Variants in AHRR observed in about 807,000 individuals in gnomAD.
The protein encoded by AHRR is aryl hydrocarbon receptor repressor.
Under a neutral mutation model 44.0 loss-of-function variants are expected in AHRR, and 28 were observed. That is an observed-to-expected ratio of 0.64 (90% CI 0.47 to 0.87). The LOEUF (loss-of-function observed/expected upper bound fraction) is 0.87, where lower values mean the gene tolerates loss of function less well. Among genes scored for constraint, AHRR ranks in the 40% least tolerant of loss-of-function variants. The pLI is 0.00. For synonymous variants in AHRR, 434 were observed against 407.0 expected (o/e 1.07, Z -0.80); for missense variants, 990 against 953.9 (o/e 1.04, Z -0.50).
chr5:374,170 GC>G, intron 3 of AHRR, among the ~76,000 whole-genome samples: 1 of 152,122 alleles, frequency 6.6e-6, no homozygotes, highest in Non-Finnish European at 1.5e-5. Context: ...CACCCGCGCT[GC>G]CCCAGCCCGC....
intron 1 of AHRR, among the ~76,000 whole-genome samples, chr5:341,021 TTTTC>T (rs545086075): frequency 6.7e-5 from 10 of 149,364 alleles, no homozygotes; most frequent in South Asian, 2.1e-4. Context: ...TTTTCTTTTC[TTTTC>T]TTTTTTTTAG....
chr5:322,847 CGCTT>C lies in AHRR; in HGVS notation c.-11+1029_-11+1032del, dbSNP rs1312527454. ...CGGCGGACGCCGCCGCCTGGGGAGC[CGCTT>C]CGACGGGGGGGACGCCACCGCCTGG... On this transcript the variant is annotated intron_variant, in intron 1 of 10. Transcript: ENST00000684583. 5.9e-5 allele frequency among the ~76,000 whole-genome samples: 9 copies of C among 152,254 alleles called. No homozygotes were observed. The South Asian group carries it at 1.7e-3, about 28-fold the overall frequency.
At chr5:421,382 G>T in intron 5 of AHRR, 1 of 606,758 alleles carries the variant, frequency 1.6e-6, no homozygotes, top group Non-Finnish European at 3.0e-6. Flanking sequence ...CACAGTACCA[G>T]CCCCCACACG....
chr5:389,728 C>T (rs1289785178), intron 4 of AHRR, among the ~76,000 whole-genome samples: 3 of 151,904 alleles, frequency 2.0e-5, no homozygotes, highest in Admixed American at 6.6e-5. Context: ...GCAGATATGG[C>T]GGCCCCCAGG....
chr5:422,263 G>T (rs555368468), intron 5 of AHRR: 3 of 237,880 alleles, frequency 1.3e-5, no homozygotes, highest in South Asian at 4.9e-5. Context: ...AAGGAGAGAG[G>T]ACTAGAGAGA....
At chr5:348,478 G>A (rs531004746) in intron 2 of AHRR, among the ~76,000 whole-genome samples, 9 of 152,282 alleles carry the variant, frequency 5.9e-5, no homozygotes, top group Non-Finnish European at 1.2e-4. Context: ...GAGAGGAAGC[G>A]TTTCTATCAC....
intron 5 of AHRR, among the ~76,000 whole-genome samples, chr5:417,083 G>T (rs1178829609): frequency 6.6e-6 from 1 of 151,558 alleles, no homozygotes; most frequent in Non-Finnish European, 1.5e-5. Flanking sequence ...TCTAGAGAAG[G>T]CCGCTTGGTC....
chr5:428,562 G>A (rs1320908364), intron 8 of AHRR, among the ~76,000 whole-genome samples: 1 of 152,208 alleles, frequency 6.6e-6, no homozygotes, highest in East Asian at 1.9e-4. Context: ...TTGGTACTAG[G>A]GACCAGTTTG....
chr5:344,032 T>G, intron 2 of AHRR, 68 bp downstream of exon 2: 1 of 1,512,266 alleles, frequency 6.6e-7, no homozygotes, highest in Non-Finnish European at 8.9e-7. Context: ...GGGGTTTGCC[T>G]TGAAAACGGA....
At chr5:372,627 C>T (rs1743618085) in intron 3 of AHRR, among the ~76,000 whole-genome samples, 2 of 152,154 alleles carry the variant, frequency 1.3e-5, no homozygotes, top group South Asian at 4.1e-4. Context: ...TCTCCAGTGG[C>T]AGGGGTGCGT....
chr5:376,547 A>T (rs1733681887), intron 3 of AHRR, 63 bp from the exon 4 acceptor site: 3 of 1,402,752 alleles, frequency 2.1e-6, no homozygotes, highest in Admixed American at 2.3e-5. Flanking sequence ...GAAAGATGTG[A>T]ATGAAGAAGA....
chr5:435,102 G>A lies in AHRR; in HGVS notation c.*268G>A, dbSNP rs1184195285. The A allele has an allele frequency of 2.0e-6, 1 of 495,676 alleles. No homozygotes were observed. Among genetic ancestry groups the A allele is most frequent in the Non-Finnish European group, 3.5e-6 (1 of 282,290 alleles). The allele number at this position is 495,676 out of a possible 1,614,324, so 30.7% of individuals were successfully genotyped here. On this transcript the variant is annotated 3_prime_UTR_variant, in exon 11 of 11. Transcript: ENST00000684583. ...TCTCTTTGAGGAATTAAAATCTTTA[G>A]GAAAGTGATCATGGCTGGACAGCTT...
At chr5:397,944 C>T (rs1410695111) in intron 4 of AHRR, among the ~76,000 whole-genome samples, 1 of 131,790 alleles carries the variant, frequency 7.6e-6, no homozygotes, top group Non-Finnish European at 1.7e-5. Flanking sequence ...CCCTGACCAT[C>T]CACGTAGCCC....
At chr5:355,641 C>A (rs1743012709) in intron 3 of AHRR, among the ~76,000 whole-genome samples, 1 of 152,240 alleles carries the variant, frequency 6.6e-6, no homozygotes, top group Non-Finnish European at 1.5e-5. Context: ...GTGTTTCCAG[C>A]AAGTTTGGAC....
intron 2 of AHRR, 48 bp downstream of exon 2, chr5:344,012 G>A (rs1267761584): frequency 1.7e-5 from 26 of 1,556,742 alleles, no homozygotes; most frequent in Non-Finnish European, 2.3e-5. Context: ...ACCCATGGAA[G>A]GGGAGGGTTG....
At position 419,858 on chromosome 5, in the gene AHRR, C is replaced by T. The variant is rs1394160685; in HGVS notation, c.442-2871C>T. Among the ~76,000 whole-genome samples the T allele has an allele frequency of 6.6e-6, 1 of 152,062 alleles. No individual in the cohort carries two copies. Among genetic ancestry groups the T allele is most frequent in the Non-Finnish European group, 1.5e-5 (1 of 68,030 alleles). Reference sequence around the variant, plus strand: ...GACCCAGGTTTCTGGGTCTTTGTTTCCTTGGTTTTGTGTTATGTGTGCCAG... The same window carrying T: ...GACCCAGGTTTCTGGGTCTTTGTTTTCTTGGTTTTGTGTTATGTGTGCCAG... On this transcript the variant is annotated intron_variant, in intron 5 of 10. Transcript: ENST00000684583. This position sits in a 1 kb window ranked among gnomAD's most constrained non-coding sequence, Gnocchi z 4.4.
intron 5 of AHRR, 36 bp downstream of exon 5, chr5:413,469 G>A: frequency 7.0e-7 from 1 of 1,436,286 alleles, no homozygotes; most frequent in Non-Finnish European, 9.7e-7. Flanking sequence ...AGTCTGTTAA[G>A]TGCTATGTTG....
At chr5:377,134 A>G (rs1388971440) in intron 4 of AHRR, among the ~76,000 whole-genome samples, 1 of 152,066 alleles carries the variant, frequency 6.6e-6, no homozygotes, top group Non-Finnish European at 1.5e-5. Context: ...GGCCTGTGTG[A>G]CACCCTGGAA....
chr5:400,378 T>C (rs562902729), intron 4 of AHRR, among the ~76,000 whole-genome samples: 4 of 152,078 alleles, frequency 2.6e-5, no homozygotes, highest in Admixed American at 2.0e-4. Context: ...CTCACCTGCC[T>C]CGGCCCTCAC....
Sources: gnomAD v4.1 joint callset for allele counts (sites outside exome capture counted in the v4.1 genomes callset) on GRCh38, gnomAD v4.1.1 for gene constraint, Gnocchi (gnomAD v3.1) non-coding constraint, MANE v1.5 for transcripts, NCBI Gene and HGNC (gene_info 2026-07-23, HGNC 2026-07-21) for gene names.